ZNF274: variants seen among roughly 807,000 people sequenced by gnomAD.
ZNF274 encodes the protein zinc finger protein 274.
Under a neutral mutation model 42.5 loss-of-function variants are expected in ZNF274, and 23 were observed. The observed-to-expected ratio is 0.54, with a 90% CI of 0.39 to 0.77. The LOEUF is 0.77. Ranked by LOEUF, ZNF274 falls within the 30% of genes least tolerant of loss-of-function variation. The pLI is 0.00. For synonymous variants in ZNF274, 292 were observed against 305.4 expected, an observed-to-expected ratio of 0.96 and a Z score of 0.46; for missense variants, 679 against 806.5, an observed-to-expected ratio of 0.84 and a Z score of 1.91.
intron 2 of ZNF274, chr19:58,184,790 C>G (rs1201518872): frequency 6.6e-6 from 1 of 152,034 alleles, no homozygotes; most frequent in Admixed American, 6.6e-5. Flanking sequence ...AGGAGGCATA[C>G]GCACCACTCC....
rs759430324 is a variant in ZNF274, at chr19:58,213,337, A to G, written c.*194A>G. 7 of 563,606 alleles carry G rather than the reference A, an allele frequency of 1.2e-5. No homozygotes were observed. The East Asian group carries it at 1.5e-4, about 12-fold the overall frequency. 34.9% of individuals were successfully genotyped at this position (563,606 alleles called of 1,614,324 possible). A position where few individuals can be genotyped will look rare whatever the true frequency, so the allele number is the denominator to read the frequency against. ...AGAAAATGAGTGAGGAGTTATTAAC[A>G]TCATTTGGAAAAAAGATTTCCCATT... On this transcript the variant is annotated 3_prime_UTR_variant, in exon 8 of 8. Coordinates refer to ENST00000617501, the MANE Select transcript of ZNF274 (RefSeq NM_133502.3).
intron 4 of ZNF274, among the ~76,000 whole-genome samples, chr19:58,187,698 A>C (rs962192129): frequency 5.9e-5 from 9 of 152,090 alleles, no homozygotes; most frequent in Non-Finnish European, 1.0e-4. Context: ...GATTCCAGGC[A>C]TGAGCCACCG....
chr19:58,210,179 C>G, intron 6 of ZNF274, 106 bp downstream of exon 6: 2 of 797,478 alleles, frequency 2.5e-6, no homozygotes, highest in Non-Finnish European at 4.0e-6. Flanking sequence ...CTCCCACAGG[C>G]TGGGACATTC....
chr19:58,203,010 C>T (rs1036829139), intron 4 of ZNF274, among the ~76,000 whole-genome samples: 3 of 152,254 alleles, frequency 2.0e-5, no homozygotes, highest in Non-Finnish European at 4.4e-5. Context: ...AAGAATCCAA[C>T]AGTTGTTTTC....
chr19:58,195,924 G>A (rs983659547), intron 4 of ZNF274, among the ~76,000 whole-genome samples: 15 of 152,286 alleles, frequency 9.8e-5, no homozygotes, highest in Non-Finnish European at 2.1e-4. Context: ...ACCTCCTGCC[G>A]TGCAGCCTGG....
chr19:58,204,831 C>T (rs1434433304), intron 4 of ZNF274, among the ~76,000 whole-genome samples: 1 of 152,124 alleles, frequency 6.6e-6, no homozygotes, highest in African/African-American at 2.4e-5. Flanking sequence ...GATGAGGACA[C>T]CCAGAGGTTG....
intron 4 of ZNF274, among the ~76,000 whole-genome samples, chr19:58,200,864 A>T (rs1285710381): frequency 6.6e-6 from 1 of 152,164 alleles, no homozygotes; most frequent in Non-Finnish European, 1.5e-5. Context: ...TGCAGGCTGT[A>T]CAAGGGTGGC....
At chr19:58,200,506 C>A (rs183031232) in intron 4 of ZNF274, among the ~76,000 whole-genome samples, 1 of 152,212 alleles carries the variant, frequency 6.6e-6, no homozygotes, top group Admixed American at 6.5e-5. Flanking sequence ...AGCAGTAGTT[C>A]AGAACTAAGT....
chr19:58,203,171 C>G (rs967962444), intron 4 of ZNF274, among the ~76,000 whole-genome samples: 3 of 152,138 alleles, frequency 2.0e-5, no homozygotes, highest in Admixed American at 1.3e-4. Context: ...CTTAGCCCCC[C>G]CCCAGGAAGT....
intron 1 of ZNF274, 131 bp from the exon 2 acceptor site, chr19:58,183,790 C>T: frequency 1.6e-6 from 1 of 621,790 alleles, no homozygotes; most frequent in South Asian, 1.9e-5. Flanking sequence ...CTATGACTCA[C>T]TCTGGGCGTT....
At chr19:58,205,554 C>T (rs2075970837) in intron 4 of ZNF274, among the ~76,000 whole-genome samples, 1 of 152,212 alleles carries the variant, frequency 6.6e-6, no homozygotes, top group Non-Finnish European at 1.5e-5. Context: ...AGGCTGGTCT[C>T]AAGCTCCTGG....
rs1229650769 is a variant in ZNF274 at position 58,207,583 on chromosome 19, G to A, written c.739+381G>A. On this transcript the variant is annotated intron_variant, in intron 5 of 7. Transcript: ENST00000617501. The surrounding 1 kb of genome is among the most constrained non-coding windows in gnomAD (Gnocchi z 5.6). ...CATAGAAAAATGCTGGGACTATGAG[G>A]AGCTCGAGGTGATGGTGAGGCTTAT... Among the ~76,000 whole-genome samples, 1 of 152,170 alleles carries A rather than the reference G, an allele frequency of 6.6e-6. No homozygotes were observed. Among genetic ancestry groups the A allele is most frequent in the Non-Finnish European group, 1.5e-5 (1 of 68,038 alleles).
chr19:58,211,654 T>C lies in ZNF274; in HGVS notation c.947T>C (p.Met316Thr). ...PTQRTEYRDVMLETFGHLVSV... is the reference protein window; with the variant it reads ...PTQRTEYRDVTLETFGHLVSV... ...CAGAGGACCGAGTACCGCGATGTGA[T>C]GCTGGAGACCTTTGGGCACCTGGTC... Residue 316 changes from methionine (M) to threonine (T), a missense_variant, in exon 7 of 8, where the codon ATG (methionine) becomes ACG (threonine). Met to Thr is a moderately conservative substitution (Grantham distance 81). Coordinates refer to ENST00000617501, the MANE Select transcript of ZNF274 (RefSeq NM_133502.3). The surrounding 1 kb of genome is among the most constrained non-coding windows in gnomAD (Gnocchi z 4.8). 6.2e-7 allele frequency: 1 copy of C among 1,613,680 alleles called. No homozygotes were observed. Among genetic ancestry groups the C allele is most frequent in the Non-Finnish European group, 8.5e-7 (1 of 1,179,732 alleles).
chr19:58,199,887 T>C (rs1286017044), intron 4 of ZNF274, among the ~76,000 whole-genome samples: 1 of 152,182 alleles, frequency 6.6e-6, no homozygotes, highest in Non-Finnish European at 1.5e-5. Context: ...TAAATAGAAG[T>C]ATTAACTTAT....
intron 4 of ZNF274, among the ~76,000 whole-genome samples, chr19:58,194,346 GTGTTTTTTGTGTTT>G (rs1177845251): frequency 1.6e-5 from 2 of 128,298 alleles, no homozygotes; most frequent in Non-Finnish European, 3.4e-5. Context: ...TGTGTTTTCT[GTGTTTTTTGTGTTT>G]TGTTTTTTAC....
chr19:58,199,297 C>T (rs937381687), intron 4 of ZNF274, among the ~76,000 whole-genome samples: 3 of 151,568 alleles, frequency 2.0e-5, no homozygotes, highest in South Asian at 2.1e-4. Flanking sequence ...ACCCGGGAGG[C>T]GGAGGTTGCA....
intron 5 of ZNF274, chr19:58,209,705 G>A (rs772264687): frequency 2.9e-6 from 1 of 343,472 alleles, no homozygotes; most frequent in Non-Finnish European, 5.4e-6. Flanking sequence ...TGGGACCAGA[G>A]TCTCAGCAGT....
In ZNF274 at chr19:58,206,877, G is replaced by A. The variant is rs1292473926; in HGVS notation, c.414G>A (p.Leu138=). The A allele has an allele frequency of 1.9e-6, 3 of 1,613,910 alleles. No homozygotes were observed. Among genetic ancestry groups the A allele is most frequent in the Middle Eastern group, 1.6e-4 (1 of 6,062 alleles). Residue 138 remains leucine, a synonymous_variant, in exon 5 of 8, where the codon CTG becomes CTA. Coordinates refer to ENST00000617501, the MANE Select transcript of ZNF274 (RefSeq NM_133502.3). ...CCCTATATGCTGAAGATGGAAGCCTGAGTGCAGATGCCCCCAGTGAGCAGG... is the reference window on the plus strand; with the variant it reads ...CCCTATATGCTGAAGATGGAAGCCTAAGTGCAGATGCCCCCAGTGAGCAGG... ...IQALYAEDGS[L]SADAPSEQVQ...
In ZNF274 at chr19:58,212,182, A is replaced by G. The variant is rs768068696; in HGVS notation, c.1001A>G (p.Asn334Ser). ...TCAGGGTGGGAGACTACACTGGAAA[A>G]TAAAGAGTTAGCTCCAAATTCTGAC... ...VSVGWETTLENKELAPNSDIP... is the reference protein window; with the variant it reads ...VSVGWETTLESKELAPNSDIP... The change falls in exon 8 of 8, where the codon AAT (asparagine) becomes AGT (serine). Residue 334 changes from asparagine to serine, a missense_variant. Asn to Ser is a conservative substitution (Grantham distance 46, BLOSUM62 1). Around this residue, in one of 2 missense-constraint regions of ZNF274, gnomAD observed 456 missense variants for 590.1 expected, o/e 0.77. Coordinates refer to ENST00000617501, the MANE Select transcript of ZNF274 (RefSeq NM_133502.3). The surrounding 1 kb of genome is among the most constrained non-coding windows in gnomAD (Gnocchi z 4.6). 6 of 1,607,298 alleles carry G rather than the reference A, an allele frequency of 3.7e-6. No individual in the cohort carries two copies. The highest frequency in any genetic ancestry group is 5.1e-6 in the Non-Finnish European group (6 of 1,179,170).
Sources: gnomAD v4.1 joint callset for allele counts (sites outside exome capture counted in the v4.1 genomes callset) on GRCh38, gnomAD v4.1.1 for gene constraint, gnomAD v4.1.1 regional missense constraint, Gnocchi (gnomAD v3.1) non-coding constraint, MANE v1.5 for transcripts, NCBI Gene and HGNC (gene_info 2026-07-23, HGNC 2026-07-21) for gene names.